MACF1: variants seen among roughly 807,000 people sequenced by gnomAD.
MACF1 encodes the protein microtubule actin crosslinking factor 1.
MACF1 carries 193 observed loss-of-function variants against 854.8 expected under a neutral mutation model. The observed-to-expected ratio is 0.23, with a 90% confidence interval of 0.20 to 0.25. The LOEUF is 0.25. Ranked by LOEUF, MACF1 falls within the 10% of genes least tolerant of loss-of-function variation. The probability of loss-of-function intolerance (pLI) is 1.00; values close to 1 mark genes in which losing one functional copy is unlikely to be tolerated. For synonymous variants in MACF1, 3,185 were observed against 3,226.7 expected, an observed-to-expected ratio of 0.99 and a Z score of 0.44; for missense variants, 7,722 against 8,929.1, an observed-to-expected ratio of 0.86 and a Z score of 5.45.
intron 2 of MACF1, among the ~76,000 whole-genome samples, chr1:39,098,180 T>C (rs1455806549): frequency 6.6e-6 from 1 of 152,182 alleles, no homozygotes; most frequent in East Asian, 1.9e-4. Flanking sequence ...ACAAAGAAGC[T>C]GGGAGACAGC....
At chr1:39,390,205 G>A (rs1399814206) in intron 58 of MACF1, among the ~76,000 whole-genome samples, 1 of 152,212 alleles carries the variant, frequency 6.6e-6, no homozygotes, top group African/African-American at 2.4e-5. Flanking sequence ...TCCATCACTA[G>A]AGTTAATTAT....
intron 6 of MACF1, among the ~76,000 whole-genome samples, chr1:39,267,038 A>G (rs1645241716): frequency 6.6e-6 from 1 of 152,172 alleles, no homozygotes; most frequent in South Asian, 2.1e-4. Flanking sequence ...TCTAATTACC[A>G]ATTCAGAACA....
In MACF1 at chr1:39,176,173, G is replaced by C. The variant is rs1484802920; in HGVS notation, c.221-55009G>C. Among the ~76,000 whole-genome samples the C allele has an allele frequency of 2.0e-5, 3 of 146,820 alleles. No homozygotes were observed. The East Asian group carries it at 6.0e-4, about 29-fold the overall frequency. On this transcript the variant is annotated intron_variant, in intron 2 of 93. Coordinates refer to the MACF1 transcript ENST00000361689. ...CCTGTAATCCCAGCTACTCAGGAGG[G>C]AGGCTAGTGCAGGAGAATCACTTGA... is the stretch of plus-strand genomic sequence containing the variant.
At chr1:39,090,626 T>C (rs906392025) in intron 2 of MACF1, among the ~76,000 whole-genome samples, 1 of 152,276 alleles carries the variant, frequency 6.6e-6, no homozygotes, top group South Asian at 2.1e-4. Context: ...TAGAGAAAGG[T>C]ATGGAATGGC....
intron 24 of MACF1, 142 bp downstream of exon 24, chr1:39,309,838 GA>G (rs1404353630): frequency 1.2e-6 from 1 of 824,974 alleles, no homozygotes; most frequent in East Asian, 2.7e-5. Context: ...TTCGAGACCT[GA>G]GGTTCTTACA....
intron 31 of MACF1, among the ~76,000 whole-genome samples, chr1:39,320,413 A>G (rs1439147544): frequency 6.6e-6 from 1 of 152,224 alleles, no homozygotes. Flanking sequence ...CATGCCAAAA[A>G]GAGGAAAAAA....
chr1:39,101,356 C>CAAA (rs35075474), intron 2 of MACF1, among the ~76,000 whole-genome samples: 239 of 128,784 alleles, frequency 1.9e-3, no homozygotes, highest in African/African-American at 6.7e-3. Flanking sequence ...GACTCTGTCT[C>CAAA]AAAAAAAAAA....
chr1:39,337,863 G>A (rs1460349917), intron 38 of MACF1, among the ~76,000 whole-genome samples: 3 of 151,636 alleles, frequency 2.0e-5, no homozygotes, highest in Non-Finnish European at 4.4e-5. Flanking sequence ...TCTGCCTCCC[G>A]GGTTTCCGCC....
At chr1:39,139,751 A>G (rs991700103) in intron 2 of MACF1, among the ~76,000 whole-genome samples, 1 of 152,166 alleles carries the variant, frequency 6.6e-6, no homozygotes, top group African/African-American at 2.4e-5. Flanking sequence ...CTGACATAAT[A>G]TTATTGAAAG....
At chr1:39,284,877 G>A (rs1367804258) in intron 11 of MACF1, among the ~76,000 whole-genome samples, 1 of 152,206 alleles carries the variant, frequency 6.6e-6, no homozygotes, top group African/African-American at 2.4e-5. Context: ...AGAGTAGGTA[G>A]TCCCTACATT....
intron 2 of MACF1, among the ~76,000 whole-genome samples, chr1:39,192,243 G>A (rs925593180): frequency 7.2e-5 from 11 of 152,138 alleles, no homozygotes; most frequent in Non-Finnish European, 1.5e-4. Context: ...ATGCACGCTG[G>A]GGAAAGCATT....
intron 2 of MACF1, among the ~76,000 whole-genome samples, chr1:39,137,164 G>C (rs1643197485): frequency 6.6e-6 from 1 of 152,132 alleles, no homozygotes; most frequent in African/African-American, 2.4e-5. Flanking sequence ...CCACCTCCCA[G>C]GTTCAAGAGA....
chr1:39,412,645 G>A, intron 58 of MACF1: 1 of 1,614,016 alleles, frequency 6.2e-7, no homozygotes, highest in Non-Finnish European at 8.5e-7. Flanking sequence ...ATCATCAGAG[G>A]GAGGGGAGAT....
At chr1:39,432,191 CTACTGTT>C (rs1385184942) in intron 66 of MACF1, among the ~76,000 whole-genome samples, 5 of 152,232 alleles carry the variant, frequency 3.3e-5, no homozygotes, top group Non-Finnish European at 7.3e-5. Context: ...ACTAAACCTA[CTACTGTT>C]CCATGTCTGG....
chr1:39,285,500 C>CTTT, intron 13 of MACF1, 104 bp from the exon 14 acceptor site: 168 of 1,316,482 alleles, frequency 1.3e-4, no homozygotes, highest in Non-Finnish European at 1.6e-4. Flanking sequence ...TATTATTTCC[C>CTTT]TTTTTTTTTT....
chr1:39,446,737 A>C (rs560733536), intron 80 of MACF1, among the ~76,000 whole-genome samples: 2 of 143,810 alleles, frequency 1.4e-5, no homozygotes, highest in Admixed American at 1.4e-4. Flanking sequence ...GTCTCTGAGG[A>C]TGGAGCTTAT....
At chr1:39,180,915 CT>C (rs988725835) in intron 2 of MACF1, among the ~76,000 whole-genome samples, 1 of 151,262 alleles carries the variant, frequency 6.6e-6, no homozygotes, top group South Asian at 2.1e-4. Flanking sequence ...TAATCAATAT[CT>C]TTTTTTTTGA....
At chr1:39,272,606 G>T (rs1645346609) in intron 6 of MACF1, among the ~76,000 whole-genome samples, 1 of 152,204 alleles carries the variant, frequency 6.6e-6, no homozygotes, top group African/African-American at 2.4e-5. Flanking sequence ...CTCCTCTGTT[G>T]ATTAGTCCAG....
chr1:39,423,037 TGG>T, intron 60 of MACF1, 137 bp downstream of exon 60: 1 of 729,526 alleles, frequency 1.4e-6, no homozygotes, highest in Non-Finnish European at 2.2e-6. Flanking sequence ...AAAAGAAAGG[TGG>T]AAATTGATTT....
Sources: allele counts gnomAD v4.1 joint callset (sites outside exome capture counted in the v4.1 genomes callset), GRCh38; gene constraint gnomAD v4.1.1; transcripts MANE v1.5; gene names NCBI Gene and HGNC (gene_info 2026-07-23, HGNC 2026-07-21).